The following ELK3 variants were observed in gnomAD, a reference collection of about 807,000 sequenced individuals.
ELK3 encodes the protein ETS transcription factor ELK3, also known as ETS domain-containing protein Elk-3.
Under a neutral mutation model 28.9 loss-of-function variants are expected in ELK3, and 10 were observed. That is an observed-to-expected ratio of 0.35 (90% CI 0.21 to 0.59). The LOEUF (loss-of-function observed/expected upper bound fraction) is 0.59. Among genes scored for constraint, ELK3 ranks in the 20% least tolerant of loss-of-function variants. The probability of loss-of-function intolerance (pLI) is 0.82; values close to 1 mark genes in which losing one functional copy is unlikely to be tolerated. For synonymous variants in ELK3, 272 were observed against 243.5 expected (o/e 1.12, Z -1.09); for missense variants, 463 against 517.3 (o/e 0.90, Z 1.02).
At chr12:96,220,761 T>G (rs1229918569) in intron 1 of ELK3, among the ~76,000 whole-genome samples, 1 of 152,190 alleles carries the variant, frequency 6.6e-6, no homozygotes, top group African/African-American at 2.4e-5. Flanking sequence ...GAGAATTTTT[T>G]TTTTAAACAA....
chr12:96,255,258 G>A (rs1399019884), intron 3 of ELK3, among the ~76,000 whole-genome samples: 1 of 152,122 alleles, frequency 6.6e-6, no homozygotes, highest in Admixed American at 6.5e-5. Flanking sequence ...ACGTCCAGTC[G>A]GGGCCATGCT....
In ELK3 at chr12:96,269,641, T is replaced by A. The variant is rs568647231; in HGVS notation, c.*2461T>A. 4.6e-5 allele frequency: 7 copies of A among 152,340 alleles called. No homozygotes were observed. The South Asian group carries it at 1.4e-3, about 32-fold the overall frequency. 9.4% of individuals were successfully genotyped at this position (152,340 alleles called of 1,614,324 possible). A position where few individuals can be genotyped will look rare whatever the true frequency, so the allele number is the denominator to read the frequency against. ...TAGGTTTCAAAGAACATTAATGACT[T>A]TCTTTTCCCTTTTATGTCTGCTTAA... On this transcript the variant is annotated 3_prime_UTR_variant, in exon 5 of 5. Transcript: ENST00000228741.
intron 3 of ELK3, among the ~76,000 whole-genome samples, chr12:96,250,086 C>G (rs1330764446): frequency 6.6e-6 from 1 of 152,094 alleles, no homozygotes; most frequent in Non-Finnish European, 1.5e-5. Context: ...GTAAAGGGAC[C>G]TGGCTCAGAG....
At chr12:96,204,286 A>T (rs1214591548) in intron 1 of ELK3, among the ~76,000 whole-genome samples, 1 of 152,188 alleles carries the variant, frequency 6.6e-6, no homozygotes, top group Non-Finnish European at 1.5e-5. Flanking sequence ...ATCCTGTAAG[A>T]TCCACAGTTC....
At chr12:96,243,859 A>C (rs1427925028) in intron 2 of ELK3, among the ~76,000 whole-genome samples, 1 of 151,476 alleles carries the variant, frequency 6.6e-6, no homozygotes, top group Non-Finnish European at 1.5e-5. Context: ...AAAAAAAATT[A>C]GCTGGGCATG....
chr12:96,238,652 G>T (rs1370837505), intron 2 of ELK3, among the ~76,000 whole-genome samples: 1 of 152,184 alleles, frequency 6.6e-6, no homozygotes, highest in Non-Finnish European at 1.5e-5. Context: ...GGGAGTGCTG[G>T]GTCCCCCGTG....
At chr12:96,246,518 G>A (rs1009078629) in intron 2 of ELK3, among the ~76,000 whole-genome samples, 6 of 152,190 alleles carry the variant, frequency 3.9e-5, no homozygotes, top group African/African-American at 1.4e-4. Context: ...AAAATTAGCA[G>A]GGTGTGGTGG....
At chr12:96,208,839 G>A (rs185160753) in intron 1 of ELK3, among the ~76,000 whole-genome samples, 2 of 152,090 alleles carry the variant, frequency 1.3e-5, no homozygotes, top group East Asian at 3.9e-4. Context: ...CTGTGCAGAT[G>A]TTGGAGGTCC....
At chr12:96,232,377 C>T (rs528561177) in intron 2 of ELK3, among the ~76,000 whole-genome samples, 61 of 151,728 alleles carry the variant, frequency 4.0e-4, no homozygotes, top group Non-Finnish European at 7.1e-4. Context: ...GAGACCATTC[C>T]GGCCAACATG....
intron 2 of ELK3, among the ~76,000 whole-genome samples, chr12:96,238,134 T>G (rs1262499245): frequency 1.3e-5 from 2 of 152,130 alleles, no homozygotes; most frequent in South Asian, 2.1e-4. Flanking sequence ...ACCCAAGAAA[T>G]TTTCCTGGAA....
At chr12:96,231,591 C>G (rs1203709348) in intron 2 of ELK3, among the ~76,000 whole-genome samples, 3 of 152,208 alleles carry the variant, frequency 2.0e-5, no homozygotes, top group Non-Finnish European at 2.9e-5. Context: ...CTCCCAGGTT[C>G]AAGTGATTCT....
At chr12:96,238,967 G>T (rs1225750109) in intron 2 of ELK3, among the ~76,000 whole-genome samples, 3 of 152,110 alleles carry the variant, frequency 2.0e-5, no homozygotes, top group Non-Finnish European at 2.9e-5. Context: ...GTGTGGTAGT[G>T]GAACAGAAAT....
At chr12:96,199,087 A>G (rs973585312) in intron 1 of ELK3, among the ~76,000 whole-genome samples, 13 of 152,256 alleles carry the variant, frequency 8.5e-5, no homozygotes, top group South Asian at 6.2e-4. Flanking sequence ...GATTTTGATG[A>G]GTTTCTCTGT....
In ELK3 at chr12:96,247,180, T is replaced by A; in HGVS notation, c.448T>A (p.Ser150Thr). ...SGLYSSFTIN[S>T]LQNPPDAFKA... ...CCTGTACTCGTCCTTCACCATTAAT[T>A]CCCTGCAGAACCCACCAGACGCCTT... is the stretch of plus-strand genomic sequence containing the variant. Residue 150 changes from serine to threonine, a missense_variant, in exon 3 of 5, where the codon TCC (serine) becomes ACC (threonine). This residue lies in a region of ELK3 where 408 missense variants were observed against 414.8 expected (regional missense o/e 0.98). Transcript: ENST00000228741. This position sits in a 1 kb window ranked among gnomAD's most constrained non-coding sequence, Gnocchi z 5.5. 6.2e-7 allele frequency: 1 copy of A among 1,614,102 alleles called. No homozygotes were observed. Among genetic ancestry groups the A allele is most frequent in the South Asian group, 1.1e-5 (1 of 91,066 alleles).
Position 96,247,310 on chromosome 12 carries a change from A to G in ELK3, c.578A>G (p.His193Arg). 1.2e-6 allele frequency: 2 copies of G among 1,614,200 alleles called. No homozygotes were observed. Among genetic ancestry groups the G allele is most frequent in the Non-Finnish European group, 1.7e-6 (2 of 1,180,036 alleles). ...TTTGTGACCAATAAAACCGACAAGCACGTCACCAGGCCGGTGGTGTCCCTG... is the reference window on the plus strand; with the variant it reads ...TTTGTGACCAATAAAACCGACAAGCGCGTCACCAGGCCGGTGGTGTCCCTG... ...IRFVTNKTDK[H>R]VTRPVVSLPS... Residue 193 changes from histidine to arginine, a missense_variant, in exon 3 of 5, where the codon CAC (histidine) becomes CGC (arginine). Around this residue, in one of 2 missense-constraint regions of ELK3, gnomAD observed 408 missense variants for 414.8 expected, o/e 0.98. Coordinates refer to ENST00000228741, the MANE Select transcript of ELK3 (RefSeq NM_005230.4). The surrounding 1 kb of genome is among the most constrained non-coding windows in gnomAD (Gnocchi z 5.5).
chr12:96,255,250 G>A (rs1277055701), intron 3 of ELK3, among the ~76,000 whole-genome samples: 2 of 152,210 alleles, frequency 1.3e-5, no homozygotes, highest in African/African-American at 2.4e-5. Flanking sequence ...AAGGCTAAAC[G>A]TCCAGTCGGG....
chr12:96,201,626 A>C (rs79592930), intron 1 of ELK3, among the ~76,000 whole-genome samples: 3,033 of 150,250 alleles, frequency 0.02, 161 homozygotes, highest in East Asian at 0.19. Flanking sequence ...AGAAGCTGAG[A>C]TATACTCCCT....
In ELK3 at chr12:96,197,298, G is replaced by A. The variant is rs537800485; in HGVS notation, c.-3+2593G>A. Among the ~76,000 whole-genome samples, 314 of 152,180 alleles carry A rather than the reference G, an allele frequency of 2.1e-3. 3 individuals carry two copies. Among genetic ancestry groups the A allele is most frequent in the African/African-American group, 7.2e-3 (298 of 41,496 alleles). ...ATGTTTTTGGTTGTTATAACTAAGG[G>A]GGTGCATTGGCTTCTGGAGGGTAGA... On this transcript the variant is annotated intron_variant, in intron 1 of 4. Coordinates refer to ENST00000228741, the MANE Select transcript of ELK3 (RefSeq NM_005230.4).
chr12:96,252,793 T>C (rs1346698619), intron 3 of ELK3, among the ~76,000 whole-genome samples: 2 of 152,236 alleles, frequency 1.3e-5, no homozygotes, highest in African/African-American at 4.8e-5. Context: ...CTGTGAATAT[T>C]GTTGAAATGA....
Sources: gnomAD v4.1 joint callset for allele counts (sites outside exome capture counted in the v4.1 genomes callset) on GRCh38, gnomAD v4.1.1 for gene constraint, gnomAD v4.1.1 regional missense constraint, Gnocchi (gnomAD v3.1) non-coding constraint, MANE v1.5 for transcripts, NCBI Gene and HGNC (gene_info 2026-07-23, HGNC 2026-07-21) for gene names.